The following ATP6V1C2 variants were observed in gnomAD, a reference collection of about 807,000 sequenced individuals.
ATP6V1C2 encodes the protein ATPase H+ transporting V1 subunit C2, also known as V-type proton ATPase subunit C 2.
A neutral mutation model predicts 56.8 loss-of-function variants in ATP6V1C2; 45 were observed. That is an observed-to-expected ratio of 0.79 (90% confidence interval 0.62 to 1.02). ATP6V1C2 has a LOEUF of 1.02. Ranked by LOEUF, ATP6V1C2 falls within the 50% of genes least tolerant of loss-of-function variation. ATP6V1C2 has a pLI of 0.00. For missense variants in ATP6V1C2, 463 were observed against 519.7 expected, an observed-to-expected ratio of 0.89 and a Z score of 1.06; for synonymous variants, 220 against 201.3, an observed-to-expected ratio of 1.09 and a Z score of -0.79.
rs765549755 is a variant in ATP6V1C2 at position 10,782,287 on chromosome 2, A to G, written c.1106A>G (p.His369Arg). 9.9e-6 allele frequency: 16 copies of G among 1,614,236 alleles called. No homozygotes were observed. Among genetic ancestry groups the G allele is most frequent in the Non-Finnish European group, 1.4e-5 (16 of 1,180,040 alleles). Residue 369 changes from histidine to arginine, a missense_variant, in exon 13 of 14, where the codon CAT becomes CGT. Physicochemically the swap from His to Arg is conservative, Grantham distance 29. Transcript: ENST00000272238. ...TTCCAGGCAGTGCTCCTGCAGCCGCATAAGAAGTCATCCACCAAGCGTTTA... is the reference window on the plus strand; with the variant it reads ...TTCCAGGCAGTGCTCCTGCAGCCGCGTAAGAAGTCATCCACCAAGCGTTTA... ...VNFQAVLLQPHKKSSTKRLRE... is the reference protein window; with the variant it reads ...VNFQAVLLQPRKKSSTKRLRE...
intron 3 of ATP6V1C2, among the ~76,000 whole-genome samples, chr2:10,727,389 GAAAAAA>G (rs34111959): frequency 8.6e-6 from 1 of 116,564 alleles, no homozygotes; most frequent in African/African-American, 2.9e-5. Context: ...TTGTTTCTAA[GAAAAAA>G]AAAAAAAAAA....
At chr2:10,778,870 G>A (rs571459857) in intron 12 of ATP6V1C2, among the ~76,000 whole-genome samples, 8 of 152,248 alleles carry the variant, frequency 5.3e-5, no homozygotes, top group East Asian at 3.9e-4. Flanking sequence ...TGCTCCCTCC[G>A]TTCCTGCTAC....
chr2:10,744,915 C>A (rs1379303735), intron 3 of ATP6V1C2, among the ~76,000 whole-genome samples: 1 of 151,446 alleles, frequency 6.6e-6, no homozygotes, highest in African/African-American at 2.4e-5. Context: ...GTGATCTGCC[C>A]GCCTCAGCCT....
chr2:10,777,688 C>T lies in ATP6V1C2; in HGVS notation c.929C>T (p.Thr310Ile). The T allele has an allele frequency of 6.2e-7, 1 of 1,613,956 alleles. No individual in the cohort carries two copies. Among genetic ancestry groups the T allele is most frequent in the African/African-American group, 1.3e-5 (1 of 75,052 alleles). ...GNPDRPAAGQ[T>I]DRERESEGEG... ...CCTGATAGGCCTGCTGCGGGGCAGACCGACAGAGAGAGAGAGAGTGAGGGC... is the reference window on the plus strand; with the variant it reads ...CCTGATAGGCCTGCTGCGGGGCAGATCGACAGAGAGAGAGAGAGTGAGGGC... Residue 310 changes from threonine to isoleucine, a missense_variant, in exon 11 of 14, where the codon ACC (threonine) becomes ATC (isoleucine). Coordinates refer to ENST00000272238, the MANE Select transcript of ATP6V1C2 (RefSeq NM_001039362.2).
At chr2:10,721,422 C>T (rs1661347348), upstream of ATP6V1C2, among the ~76,000 whole-genome samples, 1 of 152,130 alleles carries the variant, frequency 6.6e-6, no homozygotes, top group South Asian at 2.1e-4. Context: ...CCGCAGAAGC[C>T]CCCAGGGCCC....
chr2:10,759,262 C>A (rs952315888), intron 4 of ATP6V1C2, among the ~76,000 whole-genome samples: 3 of 152,198 alleles, frequency 2.0e-5, no homozygotes, highest in Non-Finnish European at 2.9e-5. Context: ...TTCCTTGCCT[C>A]CAGCAGAGCT....
intron 12 of ATP6V1C2, among the ~76,000 whole-genome samples, chr2:10,781,786 T>C (rs1168998984): frequency 6.6e-6 from 1 of 152,246 alleles, no homozygotes; most frequent in Non-Finnish European, 1.5e-5. Flanking sequence ...GTTTTAAACA[T>C]GCTCAGGCAT....
Position 10,783,623 on chromosome 2 carries a change from C to CT in ATP6V1C2, c.*361dup, listed in dbSNP as rs1665536783. ...AGCTAGATTCCTTAATAATTAGTCA[C>CT]TAGAGACAGCCCAAAGACAAATATT... On this transcript the variant is annotated 3_prime_UTR_variant, in exon 14 of 14. Coordinates refer to ENST00000272238, the MANE Select transcript of ATP6V1C2 (RefSeq NM_001039362.2). The CT allele has an allele frequency of 5.7e-6, 1 of 175,540 alleles. No individual in the cohort carries two copies. The highest frequency in any genetic ancestry group is 2.4e-5 in the African/African-American group (1 of 41,824). The allele number at this position is 175,540 out of a possible 1,614,324, so 10.9% of individuals were successfully genotyped here. A position where few individuals can be genotyped will look rare whatever the true frequency, so the allele number is the denominator to read the frequency against.
At chr2:10,728,920 C>T (rs757461618) in intron 3 of ATP6V1C2, among the ~76,000 whole-genome samples, 6 of 142,414 alleles carry the variant, frequency 4.2e-5, no homozygotes, top group Admixed American at 1.5e-4. Context: ...AGGTGGATCA[C>T]GAGGTGAAGA....
At chr2:10,723,635 G>A (rs975235240) in intron 2 of ATP6V1C2, among the ~76,000 whole-genome samples, 10 of 151,672 alleles carry the variant, frequency 6.6e-5, no homozygotes, top group Non-Finnish European at 1.3e-4. Context: ...TCAGGAGATC[G>A]AGACCATCCT....
Position 10,772,606 on chromosome 2 carries a change from A to G in ATP6V1C2, c.634A>G (p.Thr212Ala), listed in dbSNP as rs765636133. The G allele has an allele frequency of 5.0e-6, 8 of 1,613,714 alleles. No homozygotes were observed. Among genetic ancestry groups the G allele is most frequent in the Non-Finnish European group, 6.8e-6 (8 of 1,179,748 alleles). Residue 212 changes from threonine to alanine, a missense_variant, in exon 8 of 14, where the codon ACC becomes GCC. Thr to Ala is a moderately conservative substitution (Grantham distance 58, BLOSUM62 0). Transcript: ENST00000272238. ...SLSDMVVPRS[T>A]KLITEDKEGG... is the part of the protein sequence containing the mutation. ...CTCAGACATGGTGGTCCCTCGATCA[A>G]CCAAGTAAGTGAGACCCCAGCTTGG...
chr2:10,761,042 C>T (rs892784951), intron 4 of ATP6V1C2, among the ~76,000 whole-genome samples: 6 of 152,248 alleles, frequency 3.9e-5, no homozygotes, highest in Admixed American at 3.3e-4. Flanking sequence ...TCTCTGTCCT[C>T]GAGGAGCCTG....
chr2:10,777,169 G>C (rs1665046975), intron 10 of ATP6V1C2, among the ~76,000 whole-genome samples: 1 of 152,208 alleles, frequency 6.6e-6, no homozygotes, highest in African/African-American at 2.4e-5. Context: ...GCATGCCGAG[G>C]TGCCCCCCGA....
At chr2:10,743,609 C>T (rs1314303917) in intron 3 of ATP6V1C2, among the ~76,000 whole-genome samples, 6 of 151,458 alleles carry the variant, frequency 4.0e-5, no homozygotes, top group African/African-American at 1.5e-4. Context: ...CTAGGGAGGC[C>T]AAGGCAGAAG....
chr2:10,744,729 C>T (rs1247885254), intron 3 of ATP6V1C2, among the ~76,000 whole-genome samples: 9 of 138,592 alleles, frequency 6.5e-5, no homozygotes, highest in East Asian at 4.3e-4. Context: ...AGTGCAGTGG[C>T]GTGATCTCGG....
intron 3 of ATP6V1C2, among the ~76,000 whole-genome samples, chr2:10,753,322 A>G (rs1436447905): frequency 6.6e-6 from 1 of 152,208 alleles, no homozygotes; most frequent in Non-Finnish European, 1.5e-5. Context: ...GAAGCTTTAT[A>G]TTCAATGGCT....
At chr2:10,772,012 C>A in intron 7 of ATP6V1C2, 75 bp downstream of exon 7, 2 of 1,338,198 alleles carry the variant, frequency 1.5e-6, no homozygotes, top group Non-Finnish European at 2.1e-6. Context: ...GTGACTTGGG[C>A]AGTGTGGACG....
intron 3 of ATP6V1C2, among the ~76,000 whole-genome samples, chr2:10,745,978 G>A (rs892547968): frequency 6.6e-6 from 1 of 152,144 alleles, no homozygotes; most frequent in African/African-American, 2.4e-5. Context: ...GCATCGTATG[G>A]ACACACCACA....
At chr2:10,753,607 C>T (rs1449766474) in intron 3 of ATP6V1C2, among the ~76,000 whole-genome samples, 1 of 151,428 alleles carries the variant, frequency 6.6e-6, no homozygotes, top group Non-Finnish European at 1.5e-5. Flanking sequence ...TCTCGGCTCA[C>T]TGCAACCTCC....
Sources: gnomAD v4.1 joint callset for allele counts (sites outside exome capture counted in the v4.1 genomes callset) on GRCh38, gnomAD v4.1.1 for gene constraint, MANE v1.5 for transcripts, NCBI Gene and HGNC (gene_info 2026-07-23, HGNC 2026-07-21) for gene names.